ATXN1: variants seen among roughly 807,000 people sequenced by gnomAD.
The protein encoded by ATXN1 is ataxin-1.
In ATXN1, 8 loss-of-function variants were observed where a neutral mutation model predicts 56.4. That is an observed-to-expected ratio of 0.14 (90% CI 0.08 to 0.26). ATXN1 has a LOEUF of 0.26. ATXN1 is among the 10% of genes least tolerant of loss of function. The pLI, the probability that ATXN1 is intolerant of heterozygous loss-of-function variation, is 1.00. For synonymous variants in ATXN1, 514 were observed against 494.6 expected (o/e 1.04, Z -0.52); for missense variants, 987 against 1,106.5 (o/e 0.89, Z 1.53).
At chr6:16,411,579 G>T (rs1235757378) in intron 6 of ATXN1, among the ~76,000 whole-genome samples, 3 of 152,146 alleles carry the variant, frequency 2.0e-5, no homozygotes, top group Admixed American at 2.0e-4. Context: ...CTCCCTGGCT[G>T]CATCAGGATT....
intron 3 of ATXN1, among the ~76,000 whole-genome samples, chr6:16,613,196 C>T (rs1470010050): frequency 1.5e-5 from 2 of 133,824 alleles, no homozygotes; most frequent in South Asian, 2.4e-4. Context: ...ACCCGGGAAG[C>T]GGAGCTTGCA....
chr6:16,362,199 G>A lies in ATXN1; in HGVS notation c.-160-33729C>T, dbSNP rs888642184. Reference sequence around the variant, plus strand: ...GCCTTCCCCTCACATTAACCAGTTCGTGACTATGGAGAAACAGGGCAAGTA... The same window carrying A: ...GCCTTCCCCTCACATTAACCAGTTCATGACTATGGAGAAACAGGGCAAGTA... On this transcript the variant is annotated intron_variant, in intron 6 of 7. Transcript: ENST00000436367. Among the ~76,000 whole-genome samples, 11 of 152,300 alleles carry A rather than the reference G, an allele frequency of 7.2e-5. No individual in the cohort carries two copies. The South Asian group carries it at 8.3e-4, about 11-fold the overall frequency.
chr6:16,457,208 G>A (rs779688780), intron 6 of ATXN1, among the ~76,000 whole-genome samples: 17 of 152,096 alleles, frequency 1.1e-4, no homozygotes, highest in South Asian at 2.1e-4. Context: ...GTCTAAAGAC[G>A]AAAGGCAAGG....
In ATXN1 at chr6:16,328,955, A is replaced by C. The variant is rs1452842682; in HGVS notation, c.-160-485T>G. On this transcript the variant is annotated intron_variant, in intron 6 of 7. Coordinates refer to ENST00000436367, the MANE Select transcript of ATXN1 (RefSeq NM_001128164.2). The surrounding 1 kb of genome is among the most constrained non-coding windows in gnomAD (Gnocchi z 6.2). ...AAACGAAACAAAACAACAACAACAA[A>C]AACAAAAACACTAGCCGTGGCAGCT... Among the ~76,000 whole-genome samples, 4 of 152,022 alleles carry C rather than the reference A, an allele frequency of 2.6e-5. No homozygotes were observed. Among genetic ancestry groups the C allele is most frequent in the Non-Finnish European group, 5.9e-5 (4 of 67,996 alleles).
chr6:16,502,174 C>G (rs1394657719), intron 5 of ATXN1, among the ~76,000 whole-genome samples: 1 of 152,216 alleles, frequency 6.6e-6, no homozygotes, highest in Non-Finnish European at 1.5e-5. Context: ...CAAGACTTTA[C>G]TCTTCAAAAT....
At chr6:16,333,752 G>T (rs762938819) in intron 6 of ATXN1, among the ~76,000 whole-genome samples, 1 of 152,198 alleles carries the variant, frequency 6.6e-6, no homozygotes, top group Non-Finnish European at 1.5e-5. Flanking sequence ...TGAGGACAGA[G>T]GTTACTTGGG....
At chr6:16,552,971 T>C (rs1235836277) in intron 4 of ATXN1, among the ~76,000 whole-genome samples, 1 of 152,258 alleles carries the variant, frequency 6.6e-6, no homozygotes, top group Non-Finnish European at 1.5e-5. Flanking sequence ...ACCAAAGGGC[T>C]TCGACTTCAG....
chr6:16,756,763 T>A (rs1229594827), intron 1 of ATXN1, among the ~76,000 whole-genome samples: 2 of 152,240 alleles, frequency 1.3e-5, no homozygotes, highest in African/African-American at 4.8e-5. Flanking sequence ...TATTTTCAGA[T>A]AACTACAGTT....
chr6:16,696,492 C>T (rs554861167), intron 2 of ATXN1, among the ~76,000 whole-genome samples: 5 of 152,238 alleles, frequency 3.3e-5, no homozygotes, highest in East Asian at 1.9e-4. Context: ...TGATTTCTGC[C>T]GGAAAATGTT....
chr6:16,538,856 T>C (rs1329300683), intron 4 of ATXN1, among the ~76,000 whole-genome samples: 1 of 152,176 alleles, frequency 6.6e-6, no homozygotes, highest in Non-Finnish European at 1.5e-5. Context: ...TGGCTAATTC[T>C]TGTTTTTTCA....
In ATXN1 at chr6:16,638,186, T is replaced by C. The variant is rs1316958181; in HGVS notation, c.-489+19590A>G. ...AAGGCCAGCCATGGTCACTCACGCCTGTAATCCCAGAACTTTGGGAGGCTG... is the reference window on the plus strand; with the variant it reads ...AAGGCCAGCCATGGTCACTCACGCCCGTAATCCCAGAACTTTGGGAGGCTG... On this transcript the variant is annotated intron_variant, in intron 3 of 7. Coordinates refer to ENST00000436367, the MANE Select transcript of ATXN1 (RefSeq NM_001128164.2). Among the ~76,000 whole-genome samples, 3 of 152,040 alleles carry C rather than the reference T, an allele frequency of 2.0e-5. No homozygotes were observed. The East Asian group carries it at 5.8e-4, about 29-fold the overall frequency.
At chr6:16,349,529 C>A (rs956984671) in intron 6 of ATXN1, among the ~76,000 whole-genome samples, 6 of 150,624 alleles carry the variant, frequency 4.0e-5, no homozygotes, top group Non-Finnish European at 8.9e-5. Flanking sequence ...AAAAAAAAAA[C>A]ACATTTTCCT....
intron 6 of ATXN1, among the ~76,000 whole-genome samples, chr6:16,343,062 T>C (rs952147678): frequency 7.9e-5 from 12 of 152,156 alleles, no homozygotes; most frequent in African/African-American, 2.4e-4. Context: ...AAGTATGTCA[T>C]GGCTGGGCGC....
chr6:16,671,943 G>C (rs1006340375), intron 2 of ATXN1, among the ~76,000 whole-genome samples: 2 of 152,130 alleles, frequency 1.3e-5, no homozygotes, highest in African/African-American at 4.8e-5. Flanking sequence ...TGATTAAAAT[G>C]TACCTTTGTT....
chr6:16,338,265 G>A (rs1448092077), intron 6 of ATXN1, among the ~76,000 whole-genome samples: 3 of 151,922 alleles, frequency 2.0e-5, no homozygotes, highest in South Asian at 4.2e-4. Flanking sequence ...AGGCTGAGGC[G>A]GGCGGATTGC....
At chr6:16,459,762 C>G (rs543107459) in intron 6 of ATXN1, among the ~76,000 whole-genome samples, 1 of 152,192 alleles carries the variant, frequency 6.6e-6, no homozygotes, top group Non-Finnish European at 1.5e-5. Flanking sequence ...GGCACTGTCC[C>G]AAGATCTAGG....
intron 2 of ATXN1, among the ~76,000 whole-genome samples, chr6:16,664,188 T>TA (rs1332772257): frequency 2.0e-5 from 3 of 152,152 alleles, no homozygotes; most frequent in Non-Finnish European, 2.9e-5. Flanking sequence ...CAAAAATGTC[T>TA]AAAACAGAGC....
At chr6:16,713,477 T>G (rs576358640) in intron 2 of ATXN1, among the ~76,000 whole-genome samples, 46 of 152,224 alleles carry the variant, frequency 3.0e-4, no homozygotes, top group Non-Finnish European at 5.7e-4. Context: ...TGAAAACTGC[T>G]CAATCCAAGA....
intron 6 of ATXN1, among the ~76,000 whole-genome samples, chr6:16,452,279 T>G (rs1230293227): frequency 6.6e-6 from 1 of 152,190 alleles, no homozygotes; most frequent in Non-Finnish European, 1.5e-5. Context: ...AATAAATATT[T>G]AGGGAATGAA....
Sources: allele counts gnomAD v4.1 joint callset (sites outside exome capture counted in the v4.1 genomes callset), GRCh38; gene constraint gnomAD v4.1.1; non-coding constraint Gnocchi (gnomAD v3.1); transcripts MANE v1.5; gene names NCBI Gene and HGNC (gene_info 2026-07-23, HGNC 2026-07-21).